Variants in PCSK1 observed in about 807,000 individuals in gnomAD.
The protein encoded by PCSK1 is proprotein convertase subtilisin/kexin type 1, also known as neuroendocrine convertase 1.
A neutral mutation model predicts 90.6 loss-of-function variants in PCSK1; 56 were observed. The observed-to-expected ratio is 0.62, with a 90% confidence interval of 0.50 to 0.77. The LOEUF is 0.77. Ranked by LOEUF, PCSK1 falls within the 30% of genes least tolerant of loss-of-function variation. The probability of loss-of-function intolerance (pLI) is 0.00; values close to 1 mark genes in which losing one functional copy is unlikely to be tolerated. For missense variants in PCSK1, 801 were observed against 932.6 expected (o/e 0.86, Z 1.84); for synonymous variants, 348 against 342.4 (o/e 1.02, Z -0.18).
At chr5:96,400,974 C>G (rs1421079102) in intron 9 of PCSK1, among the ~76,000 whole-genome samples, 3 of 150,216 alleles carry the variant, frequency 2.0e-5, no homozygotes, top group African/African-American at 7.4e-5. Flanking sequence ...GTAGTCCCAG[C>G]TACTCGGGAG....
rs11317408 is a variant in PCSK1, at chr5:96,421,993, TAA to T, written c.544-39_544-38del. 23,285 of 345,444 alleles carry T rather than the reference TAA, an allele frequency of 0.067. 277 individuals carry two copies. The highest frequency in any genetic ancestry group is 0.14 in the African/African-American group (2,777 of 19,654). The allele number at this position is 345,444 out of a possible 1,614,324, so 21.4% of individuals were successfully genotyped here. A position where few individuals can be genotyped will look rare whatever the true frequency, so the allele number is the denominator to read the frequency against. ...ACAAAATATAACACTGTGGCAGCAT[TAA>T]AAAAAAAAAAAAAAAAAAAAAAAAG... On this transcript the variant is annotated intron_variant, in intron 4 of 13. Transcript: ENST00000311106.
rs758037647 is a variant in PCSK1 at position 96,412,387 on chromosome 5, A to C, written c.813T>G (p.Asn271Lys). The C allele has an allele frequency of 6.2e-7, 1 of 1,614,068 alleles. No individual in the cohort carries two copies. Among genetic ancestry groups the C allele is most frequent in the Non-Finnish European group, 8.5e-7 (1 of 1,179,984 alleles). Residue 271 changes from asparagine to lysine, a missense_variant, in exon 7 of 14, where the codon AAT becomes AAG. Physicochemically the swap from Asn to Lys is moderately conservative, Grantham distance 94. Transcript: ENST00000311106. ...GCCCCTCCACAGTTTTCCCATCATCATTAGGGCCCCAGCTTGCACTGTAAA... is the reference window on the plus strand; with the variant it reads ...GCCCCTCCACAGTTTTCCCATCATCCTTAGGGCCCCAGCTTGCACTGTAAA... ...VDIYSASWGPNDDGKTVEGPG... is the reference protein window; with the variant it reads ...VDIYSASWGPKDDGKTVEGPG...
chr5:96,393,486 T>TGAGGG (rs1257311879), intron 13 of PCSK1, 108 bp from the exon 14 acceptor site: 1 of 1,288,786 alleles, frequency 7.8e-7, no homozygotes, highest in Admixed American at 1.9e-5. Context: ...TGAGAGGCAA[T>TGAGGG]GAGGGGAGGG....
At position 96,406,461 on chromosome 5, in the gene PCSK1, C is replaced by A. The variant is rs183148612; in HGVS notation, c.1196+1762G>T. On this transcript the variant is annotated intron_variant, in intron 9 of 13. Coordinates refer to ENST00000311106, the MANE Select transcript of PCSK1 (RefSeq NM_000439.5). ...TCTAATTGAGCACCTGAATTTACTT[C>A]TTCCCTTACCAAACATCTTGCCAGC... 2.9e-4 allele frequency among the ~76,000 whole-genome samples: 44 copies of A among 152,278 alleles called. No individual in the cohort carries two copies. In the East Asian group the frequency reaches 8.1e-3, roughly 28 times the overall value.
chr5:96,409,379 G>A (rs1222342157), intron 8 of PCSK1, among the ~76,000 whole-genome samples: 3 of 152,198 alleles, frequency 2.0e-5, no homozygotes, highest in Non-Finnish European at 2.9e-5. Flanking sequence ...TCCTCAGAGG[G>A]CTGCGGAAGC....
chr5:96,431,477 C>T (rs1427937080), intron 1 of PCSK1, among the ~76,000 whole-genome samples: 2 of 152,162 alleles, frequency 1.3e-5, no homozygotes, highest in African/African-American at 4.8e-5. Flanking sequence ...CAGTTGCAAT[C>T]ATTTATCTCT....
intron 3 of PCSK1, among the ~76,000 whole-genome samples, chr5:96,423,955 G>A (rs1191628459): frequency 1.3e-5 from 2 of 152,188 alleles, no homozygotes; most frequent in Non-Finnish European, 2.9e-5. Context: ...GACTGTGATT[G>A]CCTCAGGAAT....
Position 96,392,856 on chromosome 5 carries a change from T to C in PCSK1, c.*145A>G. 2 of 799,058 alleles carry C rather than the reference T, an allele frequency of 2.5e-6. No homozygotes were observed. The highest frequency in any genetic ancestry group is 4.0e-5 in the Admixed American group (2 of 50,100). 49.5% of individuals were successfully genotyped at this position (799,058 alleles called of 1,614,324 possible). A position where few individuals can be genotyped will look rare whatever the true frequency, so the allele number is the denominator to read the frequency against. On this transcript the variant is annotated 3_prime_UTR_variant, in exon 14 of 14. Coordinates refer to ENST00000311106, the MANE Select transcript of PCSK1 (RefSeq NM_000439.5). ...TGCTTGAGCTCATCCCCTTCACATG[T>C]ACAGTTTAGGGAGAAAAAGAAAAGG...
At chr5:96,404,703 C>A (rs1196021553) in intron 9 of PCSK1, among the ~76,000 whole-genome samples, 3 of 152,196 alleles carry the variant, frequency 2.0e-5, no homozygotes, top group Non-Finnish European at 4.4e-5. Context: ...TGGGAGGCTG[C>A]AAGGTGTGGT....
chr5:96,406,992 G>GA (rs1027614749), intron 9 of PCSK1, among the ~76,000 whole-genome samples: 3 of 150,560 alleles, frequency 2.0e-5, no homozygotes, highest in East Asian at 1.9e-4. Flanking sequence ...GTAATTATGA[G>GA]AAAAAAAAAG....
At chr5:96,416,589 C>T (rs745458918) in intron 5 of PCSK1, among the ~76,000 whole-genome samples, 7 of 152,120 alleles carry the variant, frequency 4.6e-5, no homozygotes, top group African/African-American at 9.7e-5. Flanking sequence ...TTAGATTATC[C>T]TTGATCAGCC....
At chr5:96,406,580 C>T (rs960760345) in intron 9 of PCSK1, among the ~76,000 whole-genome samples, 2 of 152,174 alleles carry the variant, frequency 1.3e-5, no homozygotes, top group Non-Finnish European at 1.5e-5. Context: ...CAGGAATATA[C>T]CCCATCTCCA....
chr5:96,402,954 T>C (rs1333961395), intron 9 of PCSK1, among the ~76,000 whole-genome samples: 1 of 152,132 alleles, frequency 6.6e-6, no homozygotes, highest in Admixed American at 6.5e-5. Flanking sequence ...CTTCCAGTCT[T>C]TTAAAAGGAG....
At chr5:96,425,766 A>T in intron 3 of PCSK1, 54 bp downstream of exon 3, 2 of 967,690 alleles carry the variant, frequency 2.1e-6, no homozygotes, top group Non-Finnish European at 3.4e-6. Flanking sequence ...ATGTAACAAC[A>T]TAAAGAAGCC....
rs886382517 is a variant in PCSK1 at position 96,393,048 on chromosome 5, C to T, written c.2215G>A (p.Asp739Asn). The T allele has an allele frequency of 1.4e-5, 23 of 1,613,954 alleles. No individual in the cohort carries two copies. Among genetic ancestry groups the T allele is most frequent in the East Asian group, 2.2e-5 (1 of 44,900 alleles). The change falls in exon 14 of 14, where the codon GAC (aspartate) becomes AAC (asparagine). Residue 739 changes from aspartate to asparagine, a missense_variant. Physicochemically the swap from Asp to Asn is conservative, Grantham distance 23. Transcript: ENST00000311106. ...TCCACCAGAGCTTGAAGCAGCCGGT[C>T]GTCTCTGTGCTTGTAAGGTTTAGTG... ...YNTKPYKHRDDRLLQALVDIL... is the reference protein window; with the variant it reads ...YNTKPYKHRDNRLLQALVDIL...
At position 96,393,252 on chromosome 5, in the gene PCSK1, G is replaced by A. The variant is rs1313911307; in HGVS notation, c.2011C>T (p.Leu671=). 2.0e-5 allele frequency: 32 copies of A among 1,613,990 alleles called. No homozygotes were observed. The highest frequency in any genetic ancestry group is 2.7e-5 in the Non-Finnish European group (32 of 1,179,962). ...GAGTTTTTACTGAAAGCACTTTGCA[G>A]GAGTCGCAGCATGGCCTGGGAAGGG... is the stretch of plus-strand genomic sequence containing the variant. ...GAPSQAMLRL[L]QSAFSKNSPP... is the part of the protein sequence containing the mutation. The change falls in exon 14 of 14, where the codon CTG becomes TTG. Residue 671 remains leucine (L), a synonymous_variant. Coordinates refer to ENST00000311106, the MANE Select transcript of PCSK1 (RefSeq NM_000439.5).
At chr5:96,407,033 ATAAATTCCAGAGGGAT>A (rs1356042759) in intron 9 of PCSK1, among the ~76,000 whole-genome samples, 1 of 152,242 alleles carries the variant, frequency 6.6e-6, no homozygotes, top group African/African-American at 2.4e-5. Flanking sequence ...ATACACTAAA[ATAAATTCCAGAGGGAT>A]TTAGAATTTA....
chr5:96,432,651 C>T (rs1344162432), intron 1 of PCSK1, among the ~76,000 whole-genome samples: 1 of 152,214 alleles, frequency 6.6e-6, no homozygotes, highest in Non-Finnish European at 1.5e-5. Context: ...GCAGCGGCTT[C>T]CTTCTGCTTG....
intron 6 of PCSK1, among the ~76,000 whole-genome samples, chr5:96,412,752 G>GTTTTGTTTTTTTT (rs1760801934): frequency 6.8e-4 from 49 of 71,816 alleles, no homozygotes; most frequent in African/African-American, 4.0e-3. Flanking sequence ...CAGCTGTGAT[G>GTTTTGTTTTTTTT]TTTTTTTTTT....
Sources: allele counts gnomAD v4.1 joint callset (sites outside exome capture counted in the v4.1 genomes callset), GRCh38; gene constraint gnomAD v4.1.1; transcripts MANE v1.5; gene names NCBI Gene and HGNC (gene_info 2026-07-23, HGNC 2026-07-21).